Variants in RAB2A observed in about 807,000 individuals in gnomAD.
RAB2A encodes the protein ras-related protein Rab-2A.
Under a neutral mutation model 32.5 loss-of-function variants are expected in RAB2A, and 7 were observed. That is an observed-to-expected ratio of 0.22 (90% CI 0.12 to 0.40). RAB2A has a LOEUF of 0.40. Ranked by LOEUF, RAB2A falls within the 10% of genes least tolerant of loss-of-function variation. The pLI, the probability that RAB2A is intolerant of heterozygous loss-of-function variation, is 1.00. For synonymous variants in RAB2A, 79 were observed against 85.2 expected, an observed-to-expected ratio of 0.93 and a Z score of 0.40; for missense variants, 108 against 260.7, an observed-to-expected ratio of 0.41 and a Z score of 4.03.
chr8:60,522,045 A>G (rs1807310621), intron 1 of RAB2A, among the ~76,000 whole-genome samples: 1 of 152,210 alleles, frequency 6.6e-6, no homozygotes, highest in African/African-American at 2.4e-5. Context: ...CATTGAATGA[A>G]TTGACAGATG....
chr8:60,560,440 A>G (rs1808004867), intron 2 of RAB2A, among the ~76,000 whole-genome samples: 1 of 152,194 alleles, frequency 6.6e-6, no homozygotes, highest in African/African-American at 2.4e-5. Flanking sequence ...TCTTTGCTTA[A>G]TAGGTTTGAA....
At chr8:60,614,899 T>C (rs572031801) in intron 6 of RAB2A, among the ~76,000 whole-genome samples, 44 of 152,298 alleles carry the variant, frequency 2.9e-4, no homozygotes, top group African/African-American at 1.0e-3. Flanking sequence ...CTTCTTTTAC[T>C]GCAACAGAGC....
chr8:60,575,099 T>G (rs1808251993), intron 3 of RAB2A, among the ~76,000 whole-genome samples: 1 of 149,550 alleles, frequency 6.7e-6, no homozygotes, highest in Non-Finnish European at 1.5e-5. Flanking sequence ...GGGGGTTTTT[T>G]TTTTTTTTTT....
chr8:60,556,298 A>G (rs1807937385), intron 1 of RAB2A, among the ~76,000 whole-genome samples: 1 of 152,184 alleles, frequency 6.6e-6, no homozygotes. Context: ...CTATAGTACT[A>G]TAGGGTGACT....
chr8:60,610,344 C>T (rs972602882), intron 6 of RAB2A, among the ~76,000 whole-genome samples: 16 of 152,208 alleles, frequency 1.1e-4, no homozygotes, highest in Non-Finnish European at 1.9e-4. Flanking sequence ...AGTCCCCTTG[C>T]TAATACCTGC....
intron 6 of RAB2A, among the ~76,000 whole-genome samples, chr8:60,598,637 C>T (rs920729993): frequency 2.0e-5 from 3 of 152,028 alleles, no homozygotes; most frequent in African/African-American, 7.2e-5. Flanking sequence ...CAGTGTACTC[C>T]ACCATTTAAT....
intron 2 of RAB2A, among the ~76,000 whole-genome samples, chr8:60,565,874 A>G (rs1032495682): frequency 6.6e-6 from 1 of 151,176 alleles, no homozygotes; most frequent in East Asian, 1.9e-4. Flanking sequence ...CCACACCCGG[A>G]TAATTTTTTG....
At chr8:60,540,540 C>T (rs1221197550) in intron 1 of RAB2A, among the ~76,000 whole-genome samples, 1 of 152,214 alleles carries the variant, frequency 6.6e-6, no homozygotes, top group Non-Finnish European at 1.5e-5. Flanking sequence ...AGTGCAATGG[C>T]GCAATCTTGG....
At chr8:60,576,036 C>G (rs1803611512) in intron 3 of RAB2A, among the ~76,000 whole-genome samples, 1 of 152,156 alleles carries the variant, frequency 6.6e-6, no homozygotes, top group Non-Finnish European at 1.5e-5. Context: ...CCTTTGCTTT[C>G]TTTTGCCAGT....
At position 60,527,865 on chromosome 8, in the gene RAB2A, A is replaced by G. The variant is rs568674783; in HGVS notation, c.46+10612A>G. Among the ~76,000 whole-genome samples, 8 of 152,300 alleles carry G rather than the reference A, an allele frequency of 5.3e-5. No individual in the cohort carries two copies. In the East Asian group the frequency reaches 5.8e-4, roughly 11 times the overall value. ...CGAGTGTAAATATACAACTGCTTTTATAGGGCATTTTCTCTAGAGGCATAA... is the reference window on the plus strand; with the variant it reads ...CGAGTGTAAATATACAACTGCTTTTGTAGGGCATTTTCTCTAGAGGCATAA... On this transcript the variant is annotated intron_variant, in intron 1 of 7. Transcript: ENST00000262646.
rs1175208756 is a variant in RAB2A at position 60,558,187 on chromosome 8, A to G, written c.47-665A>G. Among the ~76,000 whole-genome samples, 3 of 152,214 alleles carry G rather than the reference A, an allele frequency of 2.0e-5. No individual in the cohort carries two copies. In the East Asian group the frequency reaches 5.8e-4, roughly 29 times the overall value. On this transcript the variant is annotated intron_variant, in intron 1 of 7. Coordinates refer to ENST00000262646, the MANE Select transcript of RAB2A (RefSeq NM_002865.3). The stretch of plus-strand genomic sequence containing the variant: ...CTTTGTCTAGTGTGAGGATGAGGAA[A>G]TGTTTCTTAGAGGACTTGAAAATGA...
At chr8:60,567,345 A>AC (rs1278282099) in intron 2 of RAB2A, among the ~76,000 whole-genome samples, 1 of 152,068 alleles carries the variant, frequency 6.6e-6, no homozygotes, top group Non-Finnish European at 1.5e-5. Flanking sequence ...CGATCTCCTG[A>AC]CCTTGTGATC....
chr8:60,558,347 A>G (rs1807969310), intron 1 of RAB2A: 3 of 460,364 alleles, frequency 6.5e-6, no homozygotes, highest in Non-Finnish European at 1.3e-5. Context: ...AATAGAGTGA[A>G]GGAATGCAAT....
intron 6 of RAB2A, among the ~76,000 whole-genome samples, chr8:60,607,216 T>C (rs1586112624): frequency 6.7e-6 from 1 of 148,332 alleles, no homozygotes; most frequent in Admixed American, 6.8e-5. Context: ...GATCACAAGG[T>C]CAGGAGATCG....
chr8:60,598,595 A>T (rs1804071027), intron 6 of RAB2A, among the ~76,000 whole-genome samples: 1 of 152,140 alleles, frequency 6.6e-6, no homozygotes, highest in Non-Finnish European at 1.5e-5. Flanking sequence ...TATTCCAGGG[A>T]TGCAAGGCTT....
At chr8:60,568,804 A>T (rs996772975) in intron 2 of RAB2A, among the ~76,000 whole-genome samples, 3 of 152,242 alleles carry the variant, frequency 2.0e-5, no homozygotes, top group African/African-American at 7.2e-5. Flanking sequence ...TTTATCTAGC[A>T]GCCAAATTGG....
At chr8:60,616,406 T>TG (rs1469218105) in intron 6 of RAB2A, among the ~76,000 whole-genome samples, 3 of 152,370 alleles carry the variant, frequency 2.0e-5, no homozygotes, top group African/African-American at 7.2e-5. Context: ...AATGTGCACA[T>TG]GTGGATGCTC....
At chr8:60,590,453 C>T (rs1212030896) in intron 5 of RAB2A, among the ~76,000 whole-genome samples, 2 of 148,122 alleles carry the variant, frequency 1.4e-5, no homozygotes, top group Admixed American at 1.4e-4. Flanking sequence ...GCGTGAGCAA[C>T]ATAGTGAGAC....
intron 1 of RAB2A, among the ~76,000 whole-genome samples, chr8:60,542,660 A>G (rs1029164239): frequency 1.3e-5 from 2 of 152,164 alleles, no homozygotes; most frequent in Non-Finnish European, 2.9e-5. Flanking sequence ...GTGTTTTAAT[A>G]TTGGGGGTAC....
Sources: gnomAD v4.1 joint callset for allele counts (sites outside exome capture counted in the v4.1 genomes callset) on GRCh38, gnomAD v4.1.1 for gene constraint, MANE v1.5 for transcripts, NCBI Gene and HGNC (gene_info 2026-07-23, HGNC 2026-07-21) for gene names.